The following KDM2B variants were observed in gnomAD, a reference collection of about 807,000 sequenced individuals.
KDM2B encodes lysine demethylase 2B.
A neutral mutation model predicts 150.0 loss-of-function variants in KDM2B; 26 were observed. That is an observed-to-expected ratio of 0.17 (90% CI 0.13 to 0.24). KDM2B has a LOEUF of 0.24. KDM2B is among the 10% of genes least tolerant of loss of function. The probability of loss-of-function intolerance (pLI) is 1.00; values close to 1 mark genes in which losing one functional copy is unlikely to be tolerated. For missense variants in KDM2B, 1,265 were observed against 1,816.9 expected, an observed-to-expected ratio of 0.70 and a Z score of 5.52; for synonymous variants, 734 against 729.5, an observed-to-expected ratio of 1.01 and a Z score of -0.10.
At chr12:121,439,084 G>T (rs1874511463) in intron 22 of KDM2B, among the ~76,000 whole-genome samples, 1 of 152,156 alleles carries the variant, frequency 6.6e-6, no homozygotes. Flanking sequence ...AACAATAATG[G>T]AACTCACTGT....
intron 11 of KDM2B, among the ~76,000 whole-genome samples, chr12:121,506,215 C>T (rs1485501167): frequency 1.3e-5 from 2 of 152,048 alleles, no homozygotes; most frequent in South Asian, 4.2e-4. Flanking sequence ...CTATGTTGCC[C>T]AGGCTGGTCT....
At position 121,440,922 on chromosome 12, in the gene KDM2B, G is replaced by A; in HGVS notation, c.3504C>T (p.Cys1168=). Residue 1168 remains cysteine (C), a synonymous_variant, in exon 21 of 23, where the codon TGC becomes TGT. Transcript: ENST00000377071. ...GCSWIAVSAL[C]SSSCPLLRTL... ...TCCGGAGCAGCGGACAACTGGAGCTGCAAAGGGCCGAGACCGCGATCCATG... is the reference window on the plus strand; with the variant it reads ...TCCGGAGCAGCGGACAACTGGAGCTACAAAGGGCCGAGACCGCGATCCATG... 6.2e-7 allele frequency: 1 copy of A among 1,614,114 alleles called. No individual in the cohort carries two copies.
At chr12:121,417,510 T>C in the KDM2B span, 1 of 1,611,566 alleles carries the variant, frequency 6.2e-7, no homozygotes, top group Non-Finnish European at 8.5e-7. The surrounding 1 kb of genome is among the most constrained non-coding windows in gnomAD (Gnocchi z 5.0). Context: ...TCAGCATGTT[T>C]GCTGTGACTG....
chr12:121,414,010 T>C, the KDM2B span, among the ~76,000 whole-genome samples: 1 of 152,236 alleles, frequency 6.6e-6, no homozygotes. Flanking sequence ...TTCTCCTTTC[T>C]TTATAATACA....
chr12:121,580,261 G>T, intron 1 of KDM2B: 1 of 1,223,050 alleles, frequency 8.2e-7, no homozygotes, highest in Non-Finnish European at 1.0e-6. Context: ...GTGGGGGGGG[G>T]GAGGCGTCGA....
rs1877574382 is a variant in KDM2B, at chr12:121,453,043, G to T, written c.1959+77C>A. On this transcript the variant is annotated intron_variant, in intron 13 of 22. Coordinates refer to ENST00000377071, the MANE Select transcript of KDM2B (RefSeq NM_032590.5). This position sits in a 1 kb window ranked among gnomAD's most constrained non-coding sequence, Gnocchi z 6.4. ...CTCTGTGTGCGGAGGGGCGGCCAGAGCGAGCAGCGGTCAGACACGCGGGCC... is the reference window on the plus strand; with the variant it reads ...CTCTGTGTGCGGAGGGGCGGCCAGATCGAGCAGCGGTCAGACACGCGGGCC... 7.8e-7 allele frequency: 1 copy of T among 1,282,920 alleles called. No individual in the cohort carries two copies. Among genetic ancestry groups the T allele is most frequent in the Non-Finnish European group, 1.1e-6 (1 of 944,946 alleles). 79.5% of individuals were successfully genotyped at this position (1,282,920 alleles called of 1,614,324 possible).
chr12:121,452,927 G>C lies in KDM2B; in HGVS notation c.1959+193C>G, dbSNP rs1877549150. ...AACTTCAAAGTACCTGAGCACCCTG[G>C]GAGGGAAGGAGCAGGAGGCCTGAGC... On this transcript the variant is annotated intron_variant, in intron 13 of 22. Coordinates refer to ENST00000377071, the MANE Select transcript of KDM2B (RefSeq NM_032590.5). The surrounding 1 kb of genome is among the most constrained non-coding windows in gnomAD (Gnocchi z 4.4). Among the ~76,000 whole-genome samples the C allele has an allele frequency of 6.6e-6, 1 of 152,194 alleles. No individual in the cohort carries two copies. Among genetic ancestry groups the C allele is most frequent in the South Asian group, 2.1e-4 (1 of 4,834 alleles).
intron 11 of KDM2B, among the ~76,000 whole-genome samples, chr12:121,502,880 G>A (rs927537946): frequency 4.0e-5 from 6 of 150,580 alleles, no homozygotes; most frequent in African/African-American, 1.5e-4. Context: ...AGCTGTTACT[G>A]TGCCACTGCT....
upstream of KDM2B, among the ~76,000 whole-genome samples, chr12:121,581,655 C>G (rs1891969351): frequency 6.6e-6 from 1 of 152,204 alleles, no homozygotes; most frequent in African/African-American, 2.4e-5. Context: ...GGCTTTGAGC[C>G]TGACATTTTA....
rs1193037937 is a variant in KDM2B at position 121,442,965 on chromosome 12, G to A, written c.2604+27C>T. 6.2e-7 allele frequency: 1 copy of A among 1,612,356 alleles called. No homozygotes were observed. Among genetic ancestry groups the A allele is most frequent in the Non-Finnish European group, 8.5e-7 (1 of 1,179,226 alleles). The stretch of plus-strand genomic sequence containing the variant: ...TGCAGCTCTAACCGCTCAGGCCTGG[G>A]GCACAGGAGGGAGGGGAAGATGGTA... On this transcript the variant is annotated intron_variant, in intron 18 of 22. Coordinates refer to ENST00000377071, the MANE Select transcript of KDM2B (RefSeq NM_032590.5). The surrounding 1 kb of genome is among the most constrained non-coding windows in gnomAD (Gnocchi z 7.7).
chr12:121,476,120 C>CGT (rs879966489), intron 12 of KDM2B, among the ~76,000 whole-genome samples: 88,520 of 151,220 alleles, frequency 0.59, 26,570 homozygotes, highest in African/African-American at 0.73. Context: ...CATGGTGAAA[C>CGT]CCTGTCTCTA....
At chr12:121,463,592 T>A (rs552829549) in intron 12 of KDM2B, among the ~76,000 whole-genome samples, 240 of 152,318 alleles carry the variant, frequency 1.6e-3, no homozygotes, top group African/African-American at 5.0e-3. Flanking sequence ...TTTAAAAAAA[T>A]TTTTTTGAGA....
chr12:121,417,690 C>G, the KDM2B span: 6 of 1,614,102 alleles, frequency 3.7e-6, no homozygotes, highest in Admixed American at 5.0e-5. The surrounding 1 kb of genome is among the most constrained non-coding windows in gnomAD (Gnocchi z 5.0). Context: ...AGATACTTGT[C>G]GTGAGAAAGA....
rs781826104 is a variant in KDM2B at position 121,518,545 on chromosome 12, G to A, written c.1047+2440C>T. On this transcript the variant is annotated intron_variant, in intron 9 of 22. Coordinates refer to ENST00000377071, the MANE Select transcript of KDM2B (RefSeq NM_032590.5). This position sits in a 1 kb window ranked among gnomAD's most constrained non-coding sequence, Gnocchi z 4.4. Reference sequence around the variant, plus strand: ...GGGGAGGGGACCTGCCATTCTCAACGAGGACGTGATATTCCACGTAAGCTC... The same window carrying A: ...GGGGAGGGGACCTGCCATTCTCAACAAGGACGTGATATTCCACGTAAGCTC... Among the ~76,000 whole-genome samples, 6 of 152,186 alleles carry A rather than the reference G, an allele frequency of 3.9e-5. No homozygotes were observed. The highest frequency in any genetic ancestry group is 9.6e-5 in the African/African-American group (4 of 41,454).
chr12:121,551,611 G>C (rs1380887820), intron 4 of KDM2B, among the ~76,000 whole-genome samples: 1 of 152,152 alleles, frequency 6.6e-6, no homozygotes, highest in African/African-American at 2.4e-5. Context: ...GGAGTATAGT[G>C]GCACAATCTC....
intron 8 of KDM2B, among the ~76,000 whole-genome samples, chr12:121,526,426 A>G (rs1887139444): frequency 6.6e-6 from 1 of 152,240 alleles, no homozygotes; most frequent in Non-Finnish European, 1.5e-5. Context: ...AAGGAGGACC[A>G]GATCCCAAGT....
chr12:121,438,702 C>T (rs1268513303), intron 22 of KDM2B, among the ~76,000 whole-genome samples: 2 of 152,100 alleles, frequency 1.3e-5, no homozygotes, highest in African/African-American at 4.8e-5. Flanking sequence ...GGCATGGTTG[C>T]CAGACAGTTT....
rs961627213 is a variant in KDM2B, at chr12:121,518,768, G to C, written c.1047+2217C>G. Reference sequence around the variant, plus strand: ...GACTCCGGCTTTCAGGAATTGCCTGGAAAGTCGTGGGCCTGACTTCCACTA... The same window carrying C: ...GACTCCGGCTTTCAGGAATTGCCTGCAAAGTCGTGGGCCTGACTTCCACTA... On this transcript the variant is annotated intron_variant, in intron 9 of 22. Coordinates refer to ENST00000377071, the MANE Select transcript of KDM2B (RefSeq NM_032590.5). This position sits in a 1 kb window ranked among gnomAD's most constrained non-coding sequence, Gnocchi z 4.4. 5.3e-5 allele frequency among the ~76,000 whole-genome samples: 8 copies of C among 152,196 alleles called. No homozygotes were observed. Among genetic ancestry groups the C allele is most frequent in the African/African-American group, 1.9e-4 (8 of 41,444 alleles).
At chr12:121,445,065 G>A (rs987604820) in intron 14 of KDM2B, 6 of 554,466 alleles carry the variant, frequency 1.1e-5, no homozygotes, top group Non-Finnish European at 1.9e-5. Context: ...GGGAGGTGGG[G>A]GTGTGTTTAT....
Sources: gnomAD v4.1 joint callset for allele counts (sites outside exome capture counted in the v4.1 genomes callset) on GRCh38, gnomAD v4.1.1 for gene constraint, Gnocchi (gnomAD v3.1) non-coding constraint, MANE v1.5 for transcripts, NCBI Gene and HGNC (gene_info 2026-07-23, HGNC 2026-07-21) for gene names.